Variants in MGST1 observed in about 807,000 individuals in gnomAD.
MGST1 encodes glutathione S-transferase 12.
Under a neutral mutation model 8.9 loss-of-function variants are expected in MGST1, and 5 were observed. The observed-to-expected ratio is 0.56, with a 90% CI of 0.29 to 1.19. MGST1 has a LOEUF of 1.19. MGST1 is among the 50% of genes most tolerant of loss of function. The pLI, the probability that MGST1 is intolerant of heterozygous loss-of-function variation, is 0.08. For missense variants in MGST1, 182 were observed against 187.4 expected, an observed-to-expected ratio of 0.97 and a Z score of 0.17; for synonymous variants, 54 against 67.8, an observed-to-expected ratio of 0.80 and a Z score of 1.00.
At chr12:16,575,355 T>C (rs745565879) in intron 4 of MGST1, among the ~76,000 whole-genome samples, 2 of 152,218 alleles carry the variant, frequency 1.3e-5, no homozygotes, top group Non-Finnish European at 2.9e-5. Context: ...GACCAAGTCC[T>C]CTCTGATAAT....
intron 1 of MGST1, among the ~76,000 whole-genome samples, chr12:16,404,427 A>G (rs560485473): frequency 6.6e-6 from 1 of 152,162 alleles, no homozygotes; most frequent in South Asian, 2.1e-4. Flanking sequence ...GTTCATTTTT[A>G]TTTAATGTAA....
chr12:16,551,442 C>T, intron 4 of MGST1: 2 of 665,990 alleles, frequency 3.0e-6, no homozygotes, highest in Non-Finnish European at 2.6e-6. Context: ...AATCTGAAAA[C>T]CTGGCTTAGA....
In MGST1 at chr12:16,428,069, A is replaced by T. The variant is rs190391427; in HGVS notation, n.779-9319A>T. On this transcript the variant is annotated intron_variant and non_coding_transcript_variant, in intron 1 of 1. Coordinates refer to the MGST1 transcript ENST00000359720. ...TTCCTAGAGTTTTGTAACCTTTTTT[A>T]AAAAAATTATTTTCCCAATCTCTTC... Among the ~76,000 whole-genome samples, 241 of 151,844 alleles carry T rather than the reference A, an allele frequency of 1.6e-3. 1 individual carries two copies. Among genetic ancestry groups the T allele is most frequent in the Non-Finnish European group, 2.9e-3 (196 of 67,894 alleles).
chr12:16,532,089 G>T (rs1004991739), intron 4 of MGST1, among the ~76,000 whole-genome samples: 2 of 152,052 alleles, frequency 1.3e-5, no homozygotes, highest in African/African-American at 4.8e-5. Context: ...GAAGTTCAAG[G>T]GCTATATCTT....
chr12:16,489,134 A>ATAAATAAATAAATAAAT (rs558083535), intron 4 of MGST1, among the ~76,000 whole-genome samples: 1 of 152,072 alleles, frequency 6.6e-6, no homozygotes, highest in African/African-American at 2.4e-5. Context: ...AAATAAATAA[A>ATAAATAAATAAATAAAT]AAATAAATAG....
At chr12:16,365,729 G>A (rs932908391), downstream of MGST1, among the ~76,000 whole-genome samples, 1 of 123,832 alleles carries the variant, frequency 8.1e-6, no homozygotes, top group African/African-American at 3.3e-5. Context: ...GCATGAACAT[G>A]CACGCGTGCA....
At chr12:16,449,846 A>T (rs1332629543) in intron 4 of MGST1, among the ~76,000 whole-genome samples, 1 of 151,930 alleles carries the variant, frequency 6.6e-6, no homozygotes, top group Non-Finnish European at 1.5e-5. Flanking sequence ...TAACAGTGAG[A>T]ATACTCAAAA....
chr12:16,394,852 C>T lies in MGST1; in HGVS notation n.778+11248C>T, dbSNP rs376990825. Among the ~76,000 whole-genome samples the T allele has an allele frequency of 1.2e-4, 19 of 152,192 alleles. No homozygotes were observed. In the East Asian group the frequency reaches 3.3e-3, roughly 26 times the overall value. On this transcript the variant is annotated intron_variant and non_coding_transcript_variant, in intron 1 of 1. Transcript: ENST00000359720. Reference sequence around the variant, plus strand: ...CCTCAGGTGATCCACCTGCCTCGGCCTCCCACAGTGCTGGGATTACAGGTG... The same window carrying T: ...CCTCAGGTGATCCACCTGCCTCGGCTTCCCACAGTGCTGGGATTACAGGTG...
At chr12:16,556,935 T>G (rs2137295857) in intron 4 of MGST1, among the ~76,000 whole-genome samples, 1 of 152,244 alleles carries the variant, frequency 6.6e-6, no homozygotes, top group Non-Finnish European at 1.5e-5. Context: ...CACAGAAATA[T>G]ATTAGGTACT....
At chr12:16,395,688 A>G (rs966951903) in intron 1 of MGST1, among the ~76,000 whole-genome samples, 1 of 150,440 alleles carries the variant, frequency 6.6e-6, no homozygotes, top group Non-Finnish European at 1.5e-5. Flanking sequence ...TCCATTCCCG[A>G]GTTACTTCAC....
chr12:16,505,215 T>C (rs187102210), intron 4 of MGST1, among the ~76,000 whole-genome samples: 238 of 152,278 alleles, frequency 1.6e-3, no homozygotes, highest in Non-Finnish European at 1.4e-3. Flanking sequence ...CCTTTGAAAG[T>C]CTAATGAGAG....
At chr12:16,486,904 C>G (rs566639441) in intron 4 of MGST1, among the ~76,000 whole-genome samples, 23 of 152,198 alleles carry the variant, frequency 1.5e-4, no homozygotes, top group Non-Finnish European at 3.2e-4. Flanking sequence ...AATTGCAGGA[C>G]TCGCATTACA....
intron 1 of MGST1, among the ~76,000 whole-genome samples, chr12:16,430,131 A>T (rs570787598): frequency 1.3e-5 from 2 of 152,204 alleles, no homozygotes; most frequent in Non-Finnish European, 1.5e-5. Context: ...GTAAGAAGCA[A>T]CTTCTCATCT....
chr12:16,467,402 T>A (rs1227978099), intron 4 of MGST1, among the ~76,000 whole-genome samples: 1 of 152,222 alleles, frequency 6.6e-6, no homozygotes, highest in Non-Finnish European at 1.5e-5. Flanking sequence ...ATTCAATATG[T>A]AAGTTGAACA....
intron 1 of MGST1, among the ~76,000 whole-genome samples, chr12:16,422,452 A>G (rs1308850058): frequency 6.6e-6 from 1 of 152,136 alleles, no homozygotes; most frequent in Non-Finnish European, 1.5e-5. Flanking sequence ...TGCCACACAG[A>G]CCAAGACTGT....
chr12:16,393,720 C>A (rs1040524197), intron 1 of MGST1, among the ~76,000 whole-genome samples: 5 of 152,166 alleles, frequency 3.3e-5, no homozygotes, highest in African/African-American at 1.2e-4. Context: ...CATTATGTTA[C>A]CCACACTATT....
chr12:16,521,525 T>C (rs1941648244), intron 4 of MGST1, among the ~76,000 whole-genome samples: 1 of 152,112 alleles, frequency 6.6e-6, no homozygotes, highest in African/African-American at 2.4e-5. Context: ...AGAGTTTAAT[T>C]CAATACATTT....
In MGST1 at chr12:16,364,192, C is replaced by A. The variant is rs532396665; in HGVS notation, c.*151C>A. The A allele has an allele frequency of 1.4e-5, 18 of 1,315,902 alleles. No homozygotes were observed. The highest frequency in any genetic ancestry group is 3.4e-5 in the Admixed American group (1 of 29,428). 81.5% of individuals were successfully genotyped at this position (1,315,902 alleles called of 1,614,324 possible). A position where few individuals can be genotyped will look rare whatever the true frequency, so the allele number is the denominator to read the frequency against. ...TTTTGAATATTAGCATTGCCAATAT[C>A]CTGTATTCTTGTTTTACATTTGGAT... On this transcript the variant is annotated 3_prime_UTR_variant, in exon 4 of 4. Coordinates refer to ENST00000396210, the MANE Select transcript of MGST1 (RefSeq NM_020300.5). The surrounding 1 kb of genome is among the most constrained non-coding windows in gnomAD (Gnocchi z 5.7).
chr12:16,526,803 T>C (rs1313843552), intron 4 of MGST1, among the ~76,000 whole-genome samples: 1 of 151,972 alleles, frequency 6.6e-6, no homozygotes, highest in South Asian at 2.1e-4. Context: ...CTGTTTTGAA[T>C]GCCAAAATCT....
Sources: allele counts gnomAD v4.1 joint callset (sites outside exome capture counted in the v4.1 genomes callset), GRCh38; gene constraint gnomAD v4.1.1; non-coding constraint Gnocchi (gnomAD v3.1); transcripts MANE v1.5; gene names NCBI Gene and HGNC (gene_info 2026-07-23, HGNC 2026-07-21).